Variants in WWOX observed in about 807,000 individuals in gnomAD.
The protein encoded by WWOX is WW domain containing oxidoreductase.
Under a neutral mutation model 46.2 loss-of-function variants are expected in WWOX, and 69 were observed. The ratio of observed to expected loss-of-function variants is 1.49; its 90% confidence interval spans 1.23 to 1.82. WWOX has a LOEUF of 1.82. Among genes scored for constraint, WWOX ranks in the 40% most tolerant of loss-of-function variants. The pLI, the probability that WWOX is intolerant of heterozygous loss-of-function variation, is 0.00. For missense variants in WWOX, 919 were observed against 542.6 expected, an observed-to-expected ratio of 1.69 and a Z score of -6.89; for synonymous variants, 359 against 202.6, an observed-to-expected ratio of 1.77 and a Z score of -6.56.
intron 8 of WWOX, among the ~76,000 whole-genome samples, chr16:79,124,720 G>A (rs1246896312): frequency 6.6e-6 from 1 of 152,194 alleles, no homozygotes. Context: ...AAACAGATGT[G>A]AAACATTTGT....
intron 8 of WWOX, among the ~76,000 whole-genome samples, chr16:78,670,089 C>A (rs867971747): frequency 3.9e-5 from 6 of 152,088 alleles, no homozygotes; most frequent in South Asian, 2.1e-4. Flanking sequence ...TCCCGGCCGC[C>A]CCCGGAAGCT....
chr16:78,422,207 A>G (rs1024084071), intron 6 of WWOX, among the ~76,000 whole-genome samples: 25 of 152,212 alleles, frequency 1.6e-4, no homozygotes, highest in Admixed American at 1.4e-3. Flanking sequence ...TGGGGCTTCT[A>G]TATGATTGCA....
At chr16:78,936,854 G>C (rs776439765) in intron 8 of WWOX, among the ~76,000 whole-genome samples, 4 of 152,128 alleles carry the variant, frequency 2.6e-5, no homozygotes, top group Non-Finnish European at 5.9e-5. Context: ...CCAGGCTTCT[G>C]TAACTCTTTA....
chr16:79,200,534 G>A (rs2051326380), intron 8 of WWOX, among the ~76,000 whole-genome samples: 1 of 152,152 alleles, frequency 6.6e-6, no homozygotes. Flanking sequence ...AATAACACCT[G>A]CCTGGTGGGG....
chr16:79,000,374 G>C (rs186793362), intron 8 of WWOX, among the ~76,000 whole-genome samples: 33 of 152,254 alleles, frequency 2.2e-4, no homozygotes, highest in Middle Eastern at 3.4e-3. Context: ...GGGGAATTAA[G>C]GTTGCAGATG....
chr16:78,428,984 A>T (rs1379254553), intron 7 of WWOX, among the ~76,000 whole-genome samples: 1 of 152,234 alleles, frequency 6.6e-6, no homozygotes, highest in East Asian at 1.9e-4. Context: ...TCAAATTCTC[A>T]TCATGGGATT....
intron 8 of WWOX, among the ~76,000 whole-genome samples, chr16:79,152,357 G>A (rs1472004362): frequency 6.6e-6 from 1 of 152,094 alleles, no homozygotes; most frequent in African/African-American, 2.4e-5. Flanking sequence ...AAGCCAAGGG[G>A]AAGACAGTTA....
At chr16:78,323,164 G>A (rs924444217) in intron 5 of WWOX, among the ~76,000 whole-genome samples, 4 of 152,150 alleles carry the variant, frequency 2.6e-5, no homozygotes, top group Non-Finnish European at 5.9e-5. Context: ...CTGGAGTACA[G>A]TGGCACGATC....
At chr16:78,715,292 A>T (rs896315382) in intron 8 of WWOX, among the ~76,000 whole-genome samples, 1 of 152,160 alleles carries the variant, frequency 6.6e-6, no homozygotes, top group South Asian at 2.1e-4. Context: ...GAGGGAGGCA[A>T]TTGCTGTCAC....
chr16:78,945,584 C>G (rs569724834), intron 8 of WWOX, among the ~76,000 whole-genome samples: 1 of 152,230 alleles, frequency 6.6e-6, no homozygotes, highest in East Asian at 1.9e-4. Flanking sequence ...GGTTTTTTCT[C>G]TCTTTTGGTT....
intron 5 of WWOX, among the ~76,000 whole-genome samples, chr16:78,371,519 C>T (rs1022898345): frequency 2.1e-5 from 3 of 143,222 alleles, no homozygotes; most frequent in East Asian, 2.0e-4. Context: ...CTAAATATTC[C>T]ATTTTGTCTT....
At chr16:78,768,934 G>A (rs1489865404) in intron 8 of WWOX, among the ~76,000 whole-genome samples, 3 of 152,092 alleles carry the variant, frequency 2.0e-5, no homozygotes, top group South Asian at 2.1e-4. Flanking sequence ...GGAGGAGGAC[G>A]GTTTCCATTC....
Position 78,492,915 on chromosome 16 carries a change from C to T in WWOX, c.1056+60163C>T, listed in dbSNP as rs1322131944. On this transcript the variant is annotated intron_variant, in intron 8 of 8. Transcript: ENST00000566780. ...ATGCACTCCCAAAGTCCTTTATTCA[C>T]GACAGACATCACTAATCAATCAGTC... 3.9e-5 allele frequency among the ~76,000 whole-genome samples: 6 copies of T among 152,246 alleles called. No homozygotes were observed. The East Asian group carries it at 5.8e-4, about 15-fold the overall frequency.
At chr16:78,743,637 T>A (rs567264412) in intron 8 of WWOX, among the ~76,000 whole-genome samples, 59 of 152,322 alleles carry the variant, frequency 3.9e-4, no homozygotes, top group African/African-American at 1.4e-3. Context: ...TTTTCTGAGT[T>A]GCAGATGGAA....
chr16:78,633,902 T>TC (rs1567451993), intron 8 of WWOX, among the ~76,000 whole-genome samples: 1 of 151,868 alleles, frequency 6.6e-6, no homozygotes, highest in Non-Finnish European at 1.5e-5. Context: ...AGGTGTTTTT[T>TC]TTTTTTTTTT....
At chr16:78,497,856 T>A (rs4887966) in intron 8 of WWOX, among the ~76,000 whole-genome samples, 110,130 of 149,028 alleles carry the variant, frequency 0.74, 43,182 homozygotes, top group Admixed American at 0.86. Flanking sequence ...TTACTGAGAA[T>A]TATAAAAAAA....
In WWOX at chr16:78,586,234, T is replaced by G. The variant is rs141033806; in HGVS notation, c.1056+153482T>G. Among the ~76,000 whole-genome samples the G allele has an allele frequency of 4.7e-3, 713 of 152,224 alleles. 5 individuals carry two copies. The highest frequency in any genetic ancestry group is 0.016 in the African/African-American group (677 of 41,538). On this transcript the variant is annotated intron_variant, in intron 8 of 8. Transcript: ENST00000566780. The stretch of plus-strand genomic sequence containing the variant: ...TTAATTAAAAATTCAGAATTGGAAG[T>G]TGCATTGAGCCAAGATCATGCCACT...
intron 8 of WWOX, among the ~76,000 whole-genome samples, chr16:78,767,220 C>T (rs1316572846): frequency 6.6e-6 from 1 of 151,890 alleles, no homozygotes; most frequent in African/African-American, 2.4e-5. Flanking sequence ...TCCTGGGCTT[C>T]AGTGATCCTC....
intron 2 of WWOX, 47 bp from the exon 3 acceptor site, chr16:78,109,731 C>T (rs373333771): frequency 1.2e-6 from 2 of 1,605,978 alleles, no homozygotes; most frequent in Admixed American, 1.7e-5. Context: ...CAGGGATGGT[C>T]TTTACTTCTC....
Sources: allele counts gnomAD v4.1 joint callset (sites outside exome capture counted in the v4.1 genomes callset), GRCh38; gene constraint gnomAD v4.1.1; transcripts MANE v1.5; gene names NCBI Gene and HGNC (gene_info 2026-07-23, HGNC 2026-07-21).